Variants in ERC1 observed in about 807,000 individuals in gnomAD.
ERC1 encodes RAB6 interacting protein 2.
A neutral mutation model predicts 132.0 loss-of-function variants in ERC1; 56 were observed. The observed-to-expected ratio is 0.42, with a 90% CI of 0.34 to 0.53. The LOEUF (loss-of-function observed/expected upper bound fraction) is 0.53. Among genes scored for constraint, ERC1 ranks in the 20% least tolerant of loss-of-function variants. ERC1 has a pLI of 0.03. For missense variants in ERC1, 1,202 were observed against 1,349.9 expected, an observed-to-expected ratio of 0.89 and a Z score of 1.72; for synonymous variants, 478 against 476.1, an observed-to-expected ratio of 1.00 and a Z score of -0.05.
rs748298110 is a variant in ERC1, at chr12:1,180,600, C to T, written c.1798C>T (p.Arg600Trp). ...AAAGCAGATGAGCAGCTTGAAAGAACGGGTCAAATCCTTGCAGGCTGACAC... is the reference window on the plus strand; with the variant it reads ...AAAGCAGATGAGCAGCTTGAAAGAATGGGTCAAATCCTTGCAGGCTGACAC... ...KEKQMSSLKE[R>W]VKSLQADTTN... Residue 600 changes from arginine (R) to tryptophan (W), a missense_variant, in exon 9 of 19, where the codon CGG (arginine) becomes TGG (tryptophan). Coordinates refer to ENST00000360905, the MANE Select transcript of ERC1 (RefSeq NM_178040.4). 8.1e-6 allele frequency: 13 copies of T among 1,613,896 alleles called. No homozygotes were observed. Among genetic ancestry groups the T allele is most frequent in the East Asian group, 2.2e-5 (1 of 44,896 alleles).
chr12:1,040,558 G>C (rs894623764), intron 2 of ERC1, among the ~76,000 whole-genome samples: 1 of 151,860 alleles, frequency 6.6e-6, no homozygotes, highest in Admixed American at 6.6e-5. Flanking sequence ...CGCCCACCTA[G>C]GCCTCCCAAA....
At chr12:1,263,770 A>G (rs1296065044) in intron 14 of ERC1, among the ~76,000 whole-genome samples, 2 of 151,866 alleles carry the variant, frequency 1.3e-5, no homozygotes, top group Non-Finnish European at 2.9e-5. Flanking sequence ...GCTCACTGCA[A>G]CCTCTGCCTC....
intron 15 of ERC1, among the ~76,000 whole-genome samples, chr12:1,340,232 C>T (rs1566627733): frequency 6.6e-6 from 1 of 152,108 alleles, no homozygotes; most frequent in Non-Finnish European, 1.5e-5. Flanking sequence ...CCAAGAGGTG[C>T]TCAGGTTGGA....
intron 17 of ERC1, among the ~76,000 whole-genome samples, chr12:1,426,027 A>T (rs916436759): frequency 9.8e-5 from 15 of 152,310 alleles, no homozygotes; most frequent in Admixed American, 8.5e-4. Flanking sequence ...GTTGTTTACT[A>T]ACCTGTAGGT....
At chr12:1,129,737 A>G (rs529828871) in intron 7 of ERC1, among the ~76,000 whole-genome samples, 4 of 152,290 alleles carry the variant, frequency 2.6e-5, no homozygotes, top group Admixed American at 6.5e-5. Context: ...AAAGACTTTT[A>G]CTTTCAGATT....
chr12:1,405,577 C>T (rs1253420638), intron 16 of ERC1, among the ~76,000 whole-genome samples: 1 of 152,122 alleles, frequency 6.6e-6, no homozygotes, highest in Non-Finnish European at 1.5e-5. Flanking sequence ...GTGGCAGGCG[C>T]CTGTAATCCC....
intron 18 of ERC1, among the ~76,000 whole-genome samples, chr12:1,455,747 A>G (rs1235001382): frequency 3.9e-5 from 6 of 152,228 alleles, no homozygotes; most frequent in Admixed American, 3.9e-4. Context: ...TTGTATATAA[A>G]TGCGAACCGT....
chr12:1,219,696 C>T (rs1958789184), intron 12 of ERC1, among the ~76,000 whole-genome samples: 2 of 147,754 alleles, frequency 1.4e-5, no homozygotes, highest in Admixed American at 6.9e-5. Context: ...AGTAGCCTGG[C>T]GTAATCTCGG....
At chr12:1,177,785 C>T (rs576293401) in intron 8 of ERC1, among the ~76,000 whole-genome samples, 34 of 152,306 alleles carry the variant, frequency 2.2e-4, no homozygotes, top group Non-Finnish European at 2.9e-4. Context: ...ACTTGCTCGA[C>T]GCAGGGTTCC....
chr12:1,134,393 C>CG lies in ERC1; in HGVS notation c.1570-7227_1570-7226insG, dbSNP rs934199885. On this transcript the variant is annotated intron_variant, in intron 7 of 18. Transcript: ENST00000360905. Reference sequence around the variant, plus strand: ...ACAGTGTCTTGCTTTGCTACCAAGGCTGGAGTACAGTGGTGTGATCATAGC... The same window carrying CG: ...ACAGTGTCTTGCTTTGCTACCAAGGCGTGGAGTACAGTGGTGTGATCATAGC... Among the ~76,000 whole-genome samples, 9 of 150,342 alleles carry CG rather than the reference C, an allele frequency of 6.0e-5. 1 individual carries two copies. The highest frequency in any genetic ancestry group is 2.2e-4 in the African/African-American group (9 of 40,786).
At chr12:1,149,133 G>A (rs1950623355) in intron 8 of ERC1, among the ~76,000 whole-genome samples, 1 of 151,996 alleles carries the variant, frequency 6.6e-6, no homozygotes. Context: ...AGTTCTCAAG[G>A]GATCTATGTA....
intron 8 of ERC1, among the ~76,000 whole-genome samples, chr12:1,177,501 G>A (rs1953869630): frequency 6.6e-6 from 1 of 152,184 alleles, no homozygotes; most frequent in African/African-American, 2.4e-5. Flanking sequence ...ATGTAGTTGT[G>A]TTTCAAGGAA....
At chr12:1,196,979 T>TG in intron 12 of ERC1, among the ~76,000 whole-genome samples, 1 of 59,362 alleles carries the variant, frequency 1.7e-5, no homozygotes, top group East Asian at 2.7e-4. Context: ...TATATATATT[T>TG]TTTTTTTTTT....
chr12:1,395,242 A>G (rs1481075312), intron 16 of ERC1, among the ~76,000 whole-genome samples: 1 of 152,240 alleles, frequency 6.6e-6, no homozygotes. Context: ...AAATTGGCCC[A>G]AAAGGTATTT....
intron 18 of ERC1, among the ~76,000 whole-genome samples, chr12:1,475,022 A>G (rs2093942758): frequency 6.6e-6 from 1 of 152,228 alleles, no homozygotes; most frequent in Non-Finnish European, 1.5e-5. Context: ...GGAGGGCTGG[A>G]ACAGCTACTA....
At chr12:1,353,123 C>A (rs935840935) in intron 15 of ERC1, among the ~76,000 whole-genome samples, 1 of 150,944 alleles carries the variant, frequency 6.6e-6, no homozygotes, top group Middle Eastern at 3.2e-3. Context: ...CTCCGCCTCC[C>A]GGGTTCACAC....
intron 3 of ERC1, among the ~76,000 whole-genome samples, chr12:1,095,026 A>G (rs1031907667): frequency 1.3e-5 from 2 of 152,132 alleles, no homozygotes; most frequent in Non-Finnish European, 2.9e-5. Context: ...TTGAAAAAAA[A>G]TTTTCAGACC....
intron 14 of ERC1, among the ~76,000 whole-genome samples, chr12:1,265,825 T>C (rs1030587585): frequency 6.6e-6 from 1 of 152,208 alleles, no homozygotes; most frequent in African/African-American, 2.4e-5. Flanking sequence ...CATGTTCAGA[T>C]TGGCTTCTTT....
chr12:1,155,433 A>G (rs1951288334), intron 8 of ERC1, among the ~76,000 whole-genome samples: 1 of 152,130 alleles, frequency 6.6e-6, no homozygotes, highest in African/African-American at 2.4e-5. Context: ...TATGGAATCA[A>G]CCTAAGTGCC....
Sources: allele counts gnomAD v4.1 joint callset (sites outside exome capture counted in the v4.1 genomes callset), GRCh38; gene constraint gnomAD v4.1.1; transcripts MANE v1.5; gene names NCBI Gene and HGNC (gene_info 2026-07-23, HGNC 2026-07-21).